The following SLC16A7 variants were observed in gnomAD, a reference collection of about 807,000 sequenced individuals.
SLC16A7 encodes solute carrier family 16 member 7.
A neutral mutation model predicts 34.9 loss-of-function variants in SLC16A7; 33 were observed. That is an observed-to-expected ratio of 0.94 (90% CI 0.72 to 1.26). SLC16A7 has a LOEUF of 1.26. SLC16A7 is among the 50% of genes most tolerant of loss of function. The pLI, the probability that SLC16A7 is intolerant of heterozygous loss-of-function variation, is 0.00. For missense variants in SLC16A7, 573 were observed against 578.1 expected, an observed-to-expected ratio of 0.99 and a Z score of 0.09; for synonymous variants, 201 against 206.6, an observed-to-expected ratio of 0.97 and a Z score of 0.23.
chr12:59,684,537 A>G (rs934127514), intron 2 of SLC16A7, among the ~76,000 whole-genome samples: 3 of 152,174 alleles, frequency 2.0e-5, no homozygotes, highest in African/African-American at 4.8e-5. Flanking sequence ...ACCAAAGGTC[A>G]GAAAAACATA....
chr12:59,732,689 AG>A (rs1248723707), intron 3 of SLC16A7, among the ~76,000 whole-genome samples: 6 of 152,258 alleles, frequency 3.9e-5, no homozygotes, highest in African/African-American at 1.4e-4. Context: ...CCACATTCTG[AG>A]GGACTTCATA....
rs755401390 is a variant in SLC16A7 at position 59,775,140 on chromosome 12, C to A, written c.845C>A (p.Ala282Glu). ...AKDQGIDEYS[A>E]AFLLSVMAFV... The stretch of plus-strand genomic sequence containing the variant: ...GACCAAGGAATTGATGAGTACTCGG[C>A]AGCTTTTCTGCTATCTGTTATGGCT... Residue 282 changes from alanine to glutamate, a missense_variant, in exon 5 of 6, where the codon GCA (alanine) becomes GAA (glutamate). Physicochemically the swap from Ala to Glu is moderately radical, Grantham distance 107. Transcript: ENST00000547379. 1 of 1,614,128 alleles carries A rather than the reference C, an allele frequency of 6.2e-7. No individual in the cohort carries two copies. Among genetic ancestry groups the A allele is most frequent in the Non-Finnish European group, 8.5e-7 (1 of 1,180,016 alleles).
chr12:59,671,909 ATATGTATATATGTATATATC>A (rs1474260180), intron 2 of SLC16A7, among the ~76,000 whole-genome samples: 2 of 63,356 alleles, frequency 3.2e-5, no homozygotes, highest in Non-Finnish European at 5.4e-5. Context: ...ATATATACAT[ATATGTATATATGTATATATC>A]CATATATGTA....
chr12:59,764,482 CT>C (rs1304539934), intron 3 of SLC16A7, among the ~76,000 whole-genome samples: 1 of 137,554 alleles, frequency 7.3e-6, no homozygotes, highest in Non-Finnish European at 1.6e-5. Context: ...TCCCTCCCCC[CT>C]CCCCCTCCAC....
chr12:59,680,042 G>T (rs763394982), intron 2 of SLC16A7, among the ~76,000 whole-genome samples: 1 of 152,110 alleles, frequency 6.6e-6, no homozygotes, highest in Non-Finnish European at 1.5e-5. Context: ...GTAATGATTA[G>T]TAATAACCTG....
intron 3 of SLC16A7, among the ~76,000 whole-genome samples, chr12:59,728,075 A>C (rs1876498477): frequency 6.6e-6 from 1 of 152,202 alleles, no homozygotes; most frequent in Non-Finnish European, 1.5e-5. Context: ...GAGGTTGGAG[A>C]GGGTGCTATG....
intron 2 of SLC16A7, among the ~76,000 whole-genome samples, chr12:59,660,212 C>T (rs1045292358): frequency 6.6e-6 from 1 of 151,780 alleles, no homozygotes; most frequent in Admixed American, 6.6e-5. Context: ...ATAACTGGTG[C>T]TCCCAGGGGA....
At position 59,671,956 on chromosome 12, in the gene SLC16A7, TATATATGTGTATATATCCATATATCC is replaced by T. The variant is rs1565640992; in HGVS notation, c.-31+16707_-31+16732del. Among the ~76,000 whole-genome samples the T allele has an allele frequency of 1.9e-4, 14 of 74,164 alleles. 3 individuals are homozygous for T. The highest frequency in any genetic ancestry group is 1.0e-3 in the African/African-American group (13 of 12,854). The allele number at this position is 74,164 out of a possible 152,430, so 48.7% of individuals were successfully genotyped here. A position where few individuals can be genotyped will look rare whatever the true frequency, so the allele number is the denominator to read the frequency against. ...ATATATGTATATATGTGTATATATG[TATATATGTGTATATATCCATATATCC>T]GTATATATATGTGTATATATCCATA... On this transcript the variant is annotated intron_variant, in intron 2 of 5. Transcript: ENST00000547379.
At chr12:59,639,355 A>T (rs1328524107) in intron 1 of SLC16A7, among the ~76,000 whole-genome samples, 1 of 152,118 alleles carries the variant, frequency 6.6e-6, no homozygotes, top group African/African-American at 2.4e-5. Flanking sequence ...CAAAGTGATT[A>T]AAAGGAAAAA....
rs551309093 is a variant in SLC16A7 at position 59,677,487 on chromosome 12, T to A, written c.-31+22237T>A. 9.2e-5 allele frequency among the ~76,000 whole-genome samples: 14 copies of A among 152,296 alleles called. No individual in the cohort carries two copies. The South Asian group carries it at 2.3e-3, about 25-fold the overall frequency. On this transcript the variant is annotated intron_variant, in intron 2 of 5. Transcript: ENST00000547379. ...AAATGGTTTCAGTGAGTCTTTCAGG[T>A]CAAATATCTGTCTCATTCTCAATCC... is the stretch of plus-strand genomic sequence containing the variant.
chr12:59,721,964 C>G (rs1875651160), intron 3 of SLC16A7, among the ~76,000 whole-genome samples: 1 of 151,832 alleles, frequency 6.6e-6, no homozygotes, highest in South Asian at 2.1e-4. Context: ...GCTCTTGGAT[C>G]TCCTTTCCAT....
intron 3 of SLC16A7, among the ~76,000 whole-genome samples, chr12:59,714,383 C>T (rs1874628518): frequency 6.6e-6 from 1 of 152,162 alleles, no homozygotes; most frequent in African/African-American, 2.4e-5. Flanking sequence ...GTGGATTAAA[C>T]AATGGAAATT....
rs1343837557 is a variant in SLC16A7 at position 59,732,562 on chromosome 12, A to ATC, written c.217+27544_217+27545insTC. Among the ~76,000 whole-genome samples, 6 of 152,220 alleles carry ATC rather than the reference A, an allele frequency of 3.9e-5. No homozygotes were observed. The South Asian group carries it at 6.2e-4, about 16-fold the overall frequency. ...AGAAGATCATATGTGACTGAAGCCT[A>ATC]ATTTGTGACTTGTAACTCACTCATC... On this transcript the variant is annotated intron_variant, in intron 3 of 5. Transcript: ENST00000547379.
intron 1 of SLC16A7, among the ~76,000 whole-genome samples, chr12:59,654,832 C>T (rs1247537545): frequency 6.6e-6 from 1 of 151,774 alleles, no homozygotes; most frequent in African/African-American, 2.4e-5. Flanking sequence ...GATGTTTTGG[C>T]ACGAAATCCT....
intron 3 of SLC16A7, among the ~76,000 whole-genome samples, chr12:59,717,565 T>C (rs1393593240): frequency 6.6e-6 from 1 of 152,156 alleles, no homozygotes; most frequent in Non-Finnish European, 1.5e-5. Context: ...TGATATGTTT[T>C]AGAAGCTAGA....
chr12:59,738,900 A>G (rs1293847719), intron 3 of SLC16A7, among the ~76,000 whole-genome samples: 10 of 151,330 alleles, frequency 6.6e-5, no homozygotes, highest in African/African-American at 1.5e-4. Flanking sequence ...TTTTAAATTT[A>G]TATCACTTAC....
chr12:59,622,337 T>C (rs535497836), intron 1 of SLC16A7, among the ~76,000 whole-genome samples: 1 of 152,010 alleles, frequency 6.6e-6, no homozygotes, highest in African/African-American at 2.4e-5. Flanking sequence ...GTCAAACATT[T>C]CAGTCCTACA....
chr12:59,693,471 GT>G (rs1470996517), intron 2 of SLC16A7, among the ~76,000 whole-genome samples: 3 of 151,802 alleles, frequency 2.0e-5, no homozygotes, highest in Non-Finnish European at 2.9e-5. Context: ...TTTCTCCATA[GT>G]TTAATCAACC....
At chr12:59,652,280 A>T (rs1868355426) in intron 1 of SLC16A7, among the ~76,000 whole-genome samples, 1 of 152,016 alleles carries the variant, frequency 6.6e-6, no homozygotes, top group African/African-American at 2.4e-5. Context: ...CATGAGTAAC[A>T]TATTTCCCCT....
Sources: allele counts gnomAD v4.1 joint callset (sites outside exome capture counted in the v4.1 genomes callset), GRCh38; gene constraint gnomAD v4.1.1; transcripts MANE v1.5; gene names NCBI Gene and HGNC (gene_info 2026-07-23, HGNC 2026-07-21).